ROPN1L: variants seen among roughly 807,000 people sequenced by gnomAD.
The protein encoded by ROPN1L is ropporin-1-like protein.
In ROPN1L, 23 loss-of-function variants were observed where a neutral mutation model predicts 22.7. The ratio of observed to expected loss-of-function variants is 1.01; its 90% CI spans 0.73 to 1.43. The LOEUF (loss-of-function observed/expected upper bound fraction) is 1.43, where lower values mean the gene tolerates loss of function less well. ROPN1L is among the 40% of genes most tolerant of loss of function. The pLI is 0.00. For synonymous variants in ROPN1L, 116 were observed against 117.8 expected, an observed-to-expected ratio of 0.98 and a Z score of 0.10; for missense variants, 271 against 291.5, an observed-to-expected ratio of 0.93 and a Z score of 0.51.
intron 3 of ROPN1L, among the ~76,000 whole-genome samples, chr5:10,454,603 A>G (rs1358285925): frequency 2.6e-5 from 4 of 152,196 alleles, no homozygotes; most frequent in African/African-American, 9.7e-5. Context: ...TCATGATCAA[A>G]ACAAATCACA....
chr5:10,458,008 G>A (rs564317928), intron 3 of ROPN1L, among the ~76,000 whole-genome samples: 1 of 152,188 alleles, frequency 6.6e-6, no homozygotes, highest in East Asian at 1.9e-4. Flanking sequence ...GAAGGTCCTG[G>A]TTCTCAGTCA....
chr5:10,447,831 T>C (rs1214752672), intron 1 of ROPN1L, among the ~76,000 whole-genome samples: 1 of 151,882 alleles, frequency 6.6e-6, no homozygotes, highest in Non-Finnish European at 1.5e-5. Context: ...CAGTGAGCCA[T>C]GATTATGCCA....
downstream of ROPN1L, among the ~76,000 whole-genome samples, chr5:10,472,742 G>A (rs2673899): frequency 0.18 from 28,093 of 152,122 alleles, 3,822 homozygotes; most frequent in East Asian, 0.66. Context: ...TTAGAATTCA[G>A]CCTGTTTTCC....
chr5:10,448,395 C>T lies in ROPN1L; in HGVS notation c.255+12C>T, dbSNP rs199682495. ...TTTTGCACAAGCAGGTATGGGGGGG[C>T]GTAGTCTCTGGCCTCAGGCAGCTGG... On this transcript the variant is annotated intron_variant, in intron 2 of 4. Coordinates refer to ENST00000274134, the MANE Select transcript of ROPN1L (RefSeq NM_031916.5). The T allele has an allele frequency of 5.0e-6, 8 of 1,613,724 alleles. No homozygotes were observed. The highest frequency in any genetic ancestry group is 2.7e-5 in the African/African-American group (2 of 74,906).
chr5:10,452,920 G>A (rs575023883), intron 3 of ROPN1L, among the ~76,000 whole-genome samples: 7 of 152,254 alleles, frequency 4.6e-5, no homozygotes, highest in Admixed American at 3.9e-4. Context: ...GAGCTTGGCC[G>A]TCTAAGCTGA....
At chr5:10,453,968 G>A (rs532131569) in intron 3 of ROPN1L, among the ~76,000 whole-genome samples, 1 of 152,278 alleles carries the variant, frequency 6.6e-6, no homozygotes, top group South Asian at 2.1e-4. Context: ...TACATCAAAA[G>A]CTATCAATTC....
intron 4 of ROPN1L, among the ~76,000 whole-genome samples, chr5:10,470,472 A>G (rs1024597372): frequency 1.3e-5 from 2 of 152,112 alleles, no homozygotes; most frequent in Admixed American, 6.5e-5. Context: ...CTTCCATCCA[A>G]CAGCATTCCC....
chr5:10,450,238 T>C, intron 3 of ROPN1L, 125 bp downstream of exon 3: 1 of 671,636 alleles, frequency 1.5e-6, no homozygotes, highest in Non-Finnish European at 2.4e-6. Context: ...CATTTCCCCC[T>C]GCTCCAGGCC....
intron 4 of ROPN1L, among the ~76,000 whole-genome samples, chr5:10,464,239 T>C (rs1467198935): frequency 6.6e-6 from 1 of 152,182 alleles, no homozygotes; most frequent in African/African-American, 2.4e-5. Flanking sequence ...CCAACCCTCC[T>C]GTCCTCGTGG....
chr5:10,464,735 C>T, intron 4 of ROPN1L, 113 bp from the exon 5 acceptor site: 1 of 603,822 alleles, frequency 1.7e-6, no homozygotes, highest in South Asian at 2.7e-5. Flanking sequence ...TGATGAGCAA[C>T]CATAAATAGT....
downstream of ROPN1L, among the ~76,000 whole-genome samples, chr5:10,469,708 T>C (rs536716494): frequency 2.0e-4 from 30 of 152,356 alleles, 2 homozygotes; most frequent in South Asian, 6.0e-3. Flanking sequence ...GAGTGGCTTA[T>C]TTGGTTTCAA....
At chr5:10,471,275 C>A (rs1735240685) in intron 4 of ROPN1L, among the ~76,000 whole-genome samples, 1 of 152,020 alleles carries the variant, frequency 6.6e-6, no homozygotes, top group African/African-American at 2.4e-5. Context: ...GTAGCTGGTA[C>A]CACAGGCACA....
chr5:10,454,179 T>G (rs1343660275), intron 3 of ROPN1L, among the ~76,000 whole-genome samples: 1 of 152,000 alleles, frequency 6.6e-6, no homozygotes, highest in Non-Finnish European at 1.5e-5. Context: ...CAGGCTGGAG[T>G]GCAGTGGCAT....
chr5:10,467,612 G>A (rs1055253291), downstream of ROPN1L, among the ~76,000 whole-genome samples: 2 of 152,196 alleles, frequency 1.3e-5, no homozygotes, highest in African/African-American at 4.8e-5. Context: ...CTCGTGCTCA[G>A]TAAATCTGCG....
chr5:10,451,926 G>GC (rs1188069224), intron 3 of ROPN1L, among the ~76,000 whole-genome samples: 1 of 40,568 alleles, frequency 2.5e-5, no homozygotes, highest in Non-Finnish European at 6.4e-5. Flanking sequence ...GGAACTCTGT[G>GC]AAATCTATCT....
rs1741321390 is a variant in ROPN1L at position 10,453,597 on chromosome 5, T to C, written c.417+3484T>C. Reference sequence around the variant, plus strand: ...AGTTTATTTCACATAGGATGCTGTGTAATTGGTGGCTAGCCGCTGCCTGCG... The same window carrying C: ...AGTTTATTTCACATAGGATGCTGTGCAATTGGTGGCTAGCCGCTGCCTGCG... On this transcript the variant is annotated intron_variant, in intron 3 of 4. Transcript: ENST00000274134. Among the ~76,000 whole-genome samples the C allele has an allele frequency of 2.6e-5, 4 of 152,210 alleles. No individual in the cohort carries two copies. In the South Asian group the frequency reaches 8.3e-4, roughly 31 times the overall value.
intron 3 of ROPN1L, among the ~76,000 whole-genome samples, chr5:10,455,445 G>A (rs1366134403): frequency 2.0e-5 from 3 of 152,170 alleles, no homozygotes; most frequent in African/African-American, 4.8e-5. Flanking sequence ...CGAAGGAGCC[G>A]CTCAGGCTCC....
chr5:10,461,814 C>G (rs1013952747), intron 4 of ROPN1L, among the ~76,000 whole-genome samples: 1 of 152,206 alleles, frequency 6.6e-6, no homozygotes, highest in Admixed American at 6.5e-5. Flanking sequence ...TATTTGATTA[C>G]AAAGGATATT....
chr5:10,443,944 A>G (rs1740973472), intron 1 of ROPN1L, among the ~76,000 whole-genome samples: 1 of 152,128 alleles, frequency 6.6e-6, no homozygotes. Context: ...CGAGATCCTT[A>G]TCAGTCCACA....
Sources: gnomAD v4.1 joint callset for allele counts (sites outside exome capture counted in the v4.1 genomes callset) on GRCh38, gnomAD v4.1.1 for gene constraint, MANE v1.5 for transcripts, NCBI Gene and HGNC (gene_info 2026-07-23, HGNC 2026-07-21) for gene names.